The following ELAVL2 variants were observed in gnomAD, a reference collection of about 807,000 sequenced individuals.
The protein encoded by ELAVL2 is ELAV like RNA binding protein 2, also known as ELAV-like protein 2.
In ELAVL2, 4 loss-of-function variants were observed where a neutral mutation model predicts 34.6. The observed-to-expected ratio is 0.12, with a 90% CI of 0.06 to 0.26. ELAVL2 has a LOEUF of 0.26. ELAVL2 is among the 10% of genes least tolerant of loss of function. The pLI, the probability that ELAVL2 is intolerant of heterozygous loss-of-function variation, is 1.00. For missense variants in ELAVL2, 432 were observed against 442.8 expected, an observed-to-expected ratio of 0.98 and a Z score of 0.22; for synonymous variants, 193 against 154.8, an observed-to-expected ratio of 1.25 and a Z score of -1.83.
intron 1 of ELAVL2, among the ~76,000 whole-genome samples, chr9:23,812,330 C>G (rs2138144668): frequency 6.6e-6 from 1 of 152,206 alleles, no homozygotes; most frequent in Middle Eastern, 3.4e-3. Flanking sequence ...GATCCTTCAA[C>G]AAACTCAAAA....
intron 1 of ELAVL2, among the ~76,000 whole-genome samples, chr9:23,788,449 A>T (rs55913086): frequency 0.27 from 41,197 of 152,080 alleles, 6,057 homozygotes; most frequent in East Asian, 0.42. Flanking sequence ...CTTCAGATAG[A>T]ACTGACCCCT....
At chr9:23,811,226 G>C (rs1334156247) in intron 1 of ELAVL2, among the ~76,000 whole-genome samples, 2 of 151,442 alleles carry the variant, frequency 1.3e-5, no homozygotes, top group African/African-American at 2.4e-5. Flanking sequence ...CAAGAAACAA[G>C]AACACAAATT....
intron 1 of ELAVL2, among the ~76,000 whole-genome samples, chr9:23,804,576 T>C (rs568896115): frequency 6.6e-6 from 1 of 152,306 alleles, no homozygotes; most frequent in South Asian, 2.1e-4. Context: ...GTGCTTACAA[T>C]AGATACCTTA....
At chr9:23,798,820 T>G (rs1260855843) in intron 1 of ELAVL2, among the ~76,000 whole-genome samples, 1 of 152,164 alleles carries the variant, frequency 6.6e-6, no homozygotes, top group African/African-American at 2.4e-5. Context: ...CAGGCACACG[T>G]GTAATTAAAT....
At chr9:23,791,766 A>G (rs1310546297) in intron 1 of ELAVL2, among the ~76,000 whole-genome samples, 1 of 152,210 alleles carries the variant, frequency 6.6e-6, no homozygotes, top group East Asian at 1.9e-4. Flanking sequence ...TGGTCTTGCC[A>G]GAAACCAACA....
At chr9:23,811,332 A>G (rs78948190) in intron 1 of ELAVL2, among the ~76,000 whole-genome samples, 4 of 104,322 alleles carry the variant, frequency 3.8e-5, no homozygotes, top group Admixed American at 1.1e-4. Flanking sequence ...CCTTTCAAGG[A>G]AAAAAAAAAA....
intron 1 of ELAVL2, among the ~76,000 whole-genome samples, chr9:23,766,302 C>A (rs969982705): frequency 2.6e-5 from 4 of 152,100 alleles, no homozygotes; most frequent in African/African-American, 4.8e-5. Flanking sequence ...TGTTATTTTT[C>A]AAAAAACTAC....
chr9:23,783,952 T>C (rs2059381986), intron 1 of ELAVL2, among the ~76,000 whole-genome samples: 1 of 150,328 alleles, frequency 6.7e-6, no homozygotes, highest in South Asian at 2.1e-4. Context: ...CCCAGCACTT[T>C]GGGAGGCTGA....
chr9:23,739,024 T>A (rs2048530577), intron 2 of ELAVL2, among the ~76,000 whole-genome samples: 1 of 152,140 alleles, frequency 6.6e-6, no homozygotes, highest in African/African-American at 2.4e-5. Context: ...TCCCACACAA[T>A]TCAGTCTTAG....
chr9:23,758,333 G>C (rs2135873484), intron 2 of ELAVL2, among the ~76,000 whole-genome samples: 1 of 152,088 alleles, frequency 6.6e-6, no homozygotes, highest in East Asian at 1.9e-4. Context: ...CCCAGATTTA[G>C]ATACTACCAT....
At chr9:23,775,614 T>C (rs1488146400) in intron 1 of ELAVL2, among the ~76,000 whole-genome samples, 2 of 152,054 alleles carry the variant, frequency 1.3e-5, no homozygotes, top group Non-Finnish European at 2.9e-5. Context: ...TCCACTACTA[T>C]CTCTTTTAAA....
chr9:23,709,570 C>T (rs1214775294), intron 3 of ELAVL2, among the ~76,000 whole-genome samples: 1 of 152,120 alleles, frequency 6.6e-6, no homozygotes, highest in African/African-American at 2.4e-5. Flanking sequence ...AGACTAAACT[C>T]CCTTGAAGGC....
intron 2 of ELAVL2, among the ~76,000 whole-genome samples, chr9:23,741,091 C>T (rs528155212): frequency 1.1e-4 from 16 of 152,094 alleles, no homozygotes; most frequent in Non-Finnish European, 1.9e-4. Flanking sequence ...TCAGGCTTAA[C>T]CAGGACCAGC....
intron 3 of ELAVL2, among the ~76,000 whole-genome samples, chr9:23,714,470 A>T (rs1309535894): frequency 6.6e-6 from 1 of 152,216 alleles, no homozygotes; most frequent in Non-Finnish European, 1.5e-5. Context: ...TGGAGGGAAC[A>T]TAAGGAAGGA....
intron 3 of ELAVL2, among the ~76,000 whole-genome samples, chr9:23,726,972 C>T (rs16907656): frequency 0.13 from 19,931 of 152,044 alleles, 1,670 homozygotes; most frequent in Admixed American, 0.23. Context: ...CTCTCTTCTT[C>T]TCACCAGCAT....
In ELAVL2 at chr9:23,760,759, T is replaced by C. The variant is rs189900605; in HGVS notation, c.229+1247A>G. Among the ~76,000 whole-genome samples, 819 of 152,186 alleles carry C rather than the reference T, an allele frequency of 5.4e-3. 6 individuals carry two copies. Among genetic ancestry groups the C allele is most frequent in the Non-Finnish European group, 8.1e-3 (548 of 67,962 alleles). On this transcript the variant is annotated intron_variant, in intron 2 of 6. Coordinates refer to ENST00000397312, the MANE Select transcript of ELAVL2 (RefSeq NM_004432.5). ...ATAATGGCCGTTTGCTATGGATCAATGACAATCAGTTTGTACTTAGCTTTT... is the reference window on the plus strand; with the variant it reads ...ATAATGGCCGTTTGCTATGGATCAACGACAATCAGTTTGTACTTAGCTTTT...
intron 1 of ELAVL2, among the ~76,000 whole-genome samples, chr9:23,788,495 T>C (rs2059962839): frequency 6.6e-6 from 1 of 152,138 alleles, no homozygotes; most frequent in Admixed American, 6.5e-5. Context: ...ATGATAAAAT[T>C]TAATTTCTAA....
At chr9:23,824,938 C>T (rs1160666359) in intron 1 of ELAVL2, among the ~76,000 whole-genome samples, 2 of 152,118 alleles carry the variant, frequency 1.3e-5, no homozygotes, top group Non-Finnish European at 2.9e-5. Flanking sequence ...CCCCTCTCCC[C>T]GAAGGCGAAG....
intron 1 of ELAVL2, among the ~76,000 whole-genome samples, chr9:23,775,016 T>C (rs2057970891): frequency 6.6e-6 from 1 of 152,162 alleles, no homozygotes; most frequent in Admixed American, 6.5e-5. Context: ...AAAAATGACC[T>C]GAATTTAAAC....
Sources: gnomAD v4.1 joint callset for allele counts (sites outside exome capture counted in the v4.1 genomes callset) on GRCh38, gnomAD v4.1.1 for gene constraint, MANE v1.5 for transcripts, NCBI Gene and HGNC (gene_info 2026-07-23, HGNC 2026-07-21) for gene names.